The following SYN2 variants were observed in gnomAD, a reference collection of about 807,000 sequenced individuals.
The protein encoded by SYN2 is synapsin-2.
SYN2 carries 19 observed loss-of-function variants against 50.9 expected under a neutral mutation model. The ratio of observed to expected loss-of-function variants is 0.37; its 90% CI spans 0.26 to 0.55. The LOEUF is 0.55. Among genes scored for constraint, SYN2 ranks in the 20% least tolerant of loss-of-function variants. The pLI, the probability that SYN2 is intolerant of heterozygous loss-of-function variation, is 0.81. For synonymous variants in SYN2, 255 were observed against 224.9 expected (o/e 1.13, Z -1.20); for missense variants, 587 against 576.4 (o/e 1.02, Z -0.19).
chr3:12,062,100 A>C (rs1405598762), intron 1 of SYN2, among the ~76,000 whole-genome samples: 1 of 152,082 alleles, frequency 6.6e-6, no homozygotes, highest in Non-Finnish European at 1.5e-5. Flanking sequence ...AAGGATTCAC[A>C]CAACTTGATT....
chr3:12,103,512 ATTAC>A (rs1013640255), intron 1 of SYN2, among the ~76,000 whole-genome samples: 2 of 152,202 alleles, frequency 1.3e-5, no homozygotes, highest in African/African-American at 4.8e-5. Flanking sequence ...GTAGCATTGT[ATTAC>A]TTGAGACTTA....
chr3:12,150,386 A>T (rs1185093467), intron 4 of SYN2, among the ~76,000 whole-genome samples: 1 of 152,238 alleles, frequency 6.6e-6, no homozygotes, highest in Non-Finnish European at 1.5e-5. Context: ...TGCAGGAATA[A>T]GGAGAGTTAT....
At chr3:12,121,228 T>C (rs1192169149) in intron 1 of SYN2, among the ~76,000 whole-genome samples, 1 of 152,224 alleles carries the variant, frequency 6.6e-6, no homozygotes, top group African/African-American at 2.4e-5. Context: ...AGAGTGTACC[T>C]GTCTCTTTCT....
intron 1 of SYN2, among the ~76,000 whole-genome samples, chr3:12,080,404 A>C (rs1464543853): frequency 2.0e-5 from 3 of 151,616 alleles, no homozygotes; most frequent in African/African-American, 7.3e-5. Context: ...TAGGTTGTCG[A>C]TTTGAGATCT....
chr3:12,065,057 C>A (rs1695185473), intron 1 of SYN2, among the ~76,000 whole-genome samples: 1 of 152,106 alleles, frequency 6.6e-6, no homozygotes, highest in Non-Finnish European at 1.5e-5. Context: ...AGTACTGATA[C>A]ATGCTACAAC....
chr3:12,116,943 G>T (rs1293797888), intron 1 of SYN2, among the ~76,000 whole-genome samples: 2 of 151,906 alleles, frequency 1.3e-5, no homozygotes, highest in Admixed American at 6.6e-5. Flanking sequence ...TAGAGACAGG[G>T]TCTCACTATG....
At chr3:12,162,504 T>G (rs1395904895) in intron 7 of SYN2, among the ~76,000 whole-genome samples, 1 of 152,242 alleles carries the variant, frequency 6.6e-6, no homozygotes, top group African/African-American at 2.4e-5. Flanking sequence ...TTCTCATTCC[T>G]ACTTTAAAAT....
intron 10 of SYN2, among the ~76,000 whole-genome samples, chr3:12,178,291 G>A (rs1025869506): frequency 1.4e-4 from 22 of 152,162 alleles, no homozygotes; most frequent in African/African-American, 4.8e-4. Flanking sequence ...TTCCTCCTTG[G>A]TTGGGGCAGC....
At chr3:12,164,920 T>G (rs1697743316) in intron 7 of SYN2, among the ~76,000 whole-genome samples, 1 of 152,050 alleles carries the variant, frequency 6.6e-6, no homozygotes, top group Admixed American at 6.6e-5. Flanking sequence ...ATAGAGGTCA[T>G]AGAGGTTATG....
intron 1 of SYN2, among the ~76,000 whole-genome samples, chr3:12,064,242 G>A (rs1695166236): frequency 6.6e-6 from 1 of 151,894 alleles, no homozygotes; most frequent in African/African-American, 2.4e-5. Flanking sequence ...TCAAAAACAT[G>A]GAAAGTCTGA....
chr3:12,188,205 T>C (rs1406912075), intron 12 of SYN2, among the ~76,000 whole-genome samples: 2 of 152,228 alleles, frequency 1.3e-5, no homozygotes, highest in Admixed American at 6.5e-5. Flanking sequence ...GCAGAGACGC[T>C]GAGGAACTCC....
chr3:12,171,077 C>T (rs1408813633), intron 10 of SYN2, among the ~76,000 whole-genome samples: 1 of 152,152 alleles, frequency 6.6e-6, no homozygotes, highest in Non-Finnish European at 1.5e-5. Context: ...AATGTGGACC[C>T]TGACTCTTTC....
intron 1 of SYN2, among the ~76,000 whole-genome samples, chr3:12,064,022 C>T (rs1191487633): frequency 6.6e-6 from 1 of 151,826 alleles, no homozygotes; most frequent in Non-Finnish European, 1.5e-5. Flanking sequence ...GACAAACACT[C>T]CCTCAGTCAG....
intron 1 of SYN2, among the ~76,000 whole-genome samples, chr3:12,139,074 A>C (rs1411249240): frequency 2.0e-5 from 3 of 152,180 alleles, no homozygotes; most frequent in Non-Finnish European, 4.4e-5. Flanking sequence ...TGTGAAGCTT[A>C]ATAAGAAATT....
rs574435858 is a variant in SYN2, at chr3:12,045,686, C to G, written c.377+40758C>G. 2.6e-5 allele frequency among the ~76,000 whole-genome samples: 4 copies of G among 152,278 alleles called. No individual in the cohort carries two copies. The South Asian group carries it at 8.3e-4, about 32-fold the overall frequency. ...GCACATACCCTGCATTGTACTGAAT[C>G]CCTTTGCCCCTACAATCTCCACCTC... On this transcript the variant is annotated intron_variant, in intron 1 of 12. Transcript: ENST00000621198.
intron 1 of SYN2, among the ~76,000 whole-genome samples, chr3:12,104,311 A>G (rs1325281532): frequency 6.6e-6 from 1 of 152,132 alleles, no homozygotes; most frequent in Non-Finnish European, 1.5e-5. Flanking sequence ...CTTAGGCTTA[A>G]TTTTAAAATA....
At chr3:12,151,451 C>A in intron 5 of SYN2, 125 bp downstream of exon 5, 2 of 711,134 alleles carry the variant, frequency 2.8e-6, no homozygotes, top group Non-Finnish European at 4.9e-6. Flanking sequence ...TGGGGTTGAA[C>A]TATAGAGCTT....
At chr3:12,103,565 T>C (rs964687483) in intron 1 of SYN2, among the ~76,000 whole-genome samples, 3 of 152,192 alleles carry the variant, frequency 2.0e-5, no homozygotes, top group Admixed American at 2.0e-4. Flanking sequence ...TACTTACTAA[T>C]TGAAATCTGC....
chr3:12,054,149 C>T (rs1339460952), intron 1 of SYN2, among the ~76,000 whole-genome samples: 4 of 152,306 alleles, frequency 2.6e-5, no homozygotes, highest in East Asian at 1.9e-4. Context: ...TCTGCCCACT[C>T]AGGACATTTC....
Sources: allele counts gnomAD v4.1 joint callset (sites outside exome capture counted in the v4.1 genomes callset), GRCh38; gene constraint gnomAD v4.1.1; transcripts MANE v1.5; gene names NCBI Gene and HGNC (gene_info 2026-07-23, HGNC 2026-07-21).